Variants in KCND2 observed in about 807,000 individuals in gnomAD.
The protein encoded by KCND2 is A-type voltage-gated potassium channel KCND2.
A neutral mutation model predicts 54.4 loss-of-function variants in KCND2; 16 were observed. The observed-to-expected ratio is 0.29, with a 90% CI of 0.20 to 0.45. The LOEUF is 0.45. KCND2 is among the 20% of genes least tolerant of loss of function. KCND2 has a pLI of 1.00. For missense variants in KCND2, 486 were observed against 824.2 expected, an observed-to-expected ratio of 0.59 and a Z score of 5.02; for synonymous variants, 317 against 310.7, an observed-to-expected ratio of 1.02 and a Z score of -0.21.
intron 1 of KCND2, among the ~76,000 whole-genome samples, chr7:120,661,698 C>G (rs1791868679): frequency 6.6e-6 from 1 of 151,666 alleles, no homozygotes; most frequent in African/African-American, 2.4e-5. Context: ...GAGAAATACT[C>G]AGGTTTTCAG....
intron 1 of KCND2, among the ~76,000 whole-genome samples, chr7:120,702,729 G>T (rs557881877): frequency 3.3e-5 from 5 of 152,214 alleles, no homozygotes; most frequent in African/African-American, 4.8e-5. Flanking sequence ...GGAGCTAAAT[G>T]ATAAGAACAC....
chr7:120,408,288 A>G (rs1267358095), intron 1 of KCND2, among the ~76,000 whole-genome samples: 2 of 151,956 alleles, frequency 1.3e-5, no homozygotes, highest in Non-Finnish European at 2.9e-5. Context: ...GAAGACGAAC[A>G]GTAAGATTAA....
At chr7:120,436,554 C>A (rs556682829) in intron 1 of KCND2, among the ~76,000 whole-genome samples, 48 of 152,208 alleles carry the variant, frequency 3.2e-4, no homozygotes, top group African/African-American at 1.1e-3. Context: ...GTATTCTGGG[C>A]CCTGGTTTCA....
intron 1 of KCND2, among the ~76,000 whole-genome samples, chr7:120,573,794 G>A (rs1275085982): frequency 6.6e-6 from 1 of 151,792 alleles, no homozygotes; most frequent in Non-Finnish European, 1.5e-5. Flanking sequence ...AAGTAGTCAA[G>A]CAAGATACCA....
At chr7:120,695,823 A>G (rs1400808708) in intron 1 of KCND2, among the ~76,000 whole-genome samples, 1 of 152,176 alleles carries the variant, frequency 6.6e-6, no homozygotes, top group African/African-American at 2.4e-5. Flanking sequence ...AAGTATCTCA[A>G]AGTAGAAGGA....
rs577609767 is a variant in KCND2 at position 120,670,787 on chromosome 7, G to C, written c.1116-62116G>C. On this transcript the variant is annotated intron_variant, in intron 1 of 5. Transcript: ENST00000331113. ...AAAAATTCGCCAGGCGTGGTGGCGG[G>C]TGCCTGTAGTCCCAGCTACTCGAGA... 6.3e-4 allele frequency among the ~76,000 whole-genome samples: 96 copies of C among 151,952 alleles called. 1 individual carries two copies. The highest frequency in any genetic ancestry group is 2.2e-3 in the African/African-American group (91 of 41,488).
intron 1 of KCND2, among the ~76,000 whole-genome samples, chr7:120,725,570 G>T (rs1584897485): frequency 1.3e-5 from 2 of 152,264 alleles, no homozygotes; most frequent in South Asian, 4.2e-4. Flanking sequence ...CTCGCTCTCA[G>T]CTTGTGAAAA....
At chr7:120,689,621 G>A (rs1792245506) in intron 1 of KCND2, among the ~76,000 whole-genome samples, 1 of 152,140 alleles carries the variant, frequency 6.6e-6, no homozygotes, top group East Asian at 1.9e-4. Flanking sequence ...TGATTTATAT[G>A]ATAATTTAGA....
chr7:120,306,439 A>T (rs186576408), intron 1 of KCND2, among the ~76,000 whole-genome samples: 222 of 152,184 alleles, frequency 1.5e-3, no homozygotes, highest in African/African-American at 4.9e-3. Flanking sequence ...TTAATTTTTT[A>T]AAAAATAGAC....
At chr7:120,705,351 G>T (rs1792454546) in intron 1 of KCND2, among the ~76,000 whole-genome samples, 1 of 152,160 alleles carries the variant, frequency 6.6e-6, no homozygotes, top group Non-Finnish European at 1.5e-5. Context: ...TCCACCAGCA[G>T]AAAGTAATTT....
intron 1 of KCND2, among the ~76,000 whole-genome samples, chr7:120,699,838 G>A (rs2116025189): frequency 6.6e-6 from 1 of 152,264 alleles, no homozygotes; most frequent in East Asian, 1.9e-4. Flanking sequence ...TCAATTTCAG[G>A]TAATAGAATG....
intron 1 of KCND2, among the ~76,000 whole-genome samples, chr7:120,642,396 TAAAAAAAAAA>T (rs35453111): frequency 1.0e-5 from 1 of 99,728 alleles, no homozygotes; most frequent in African/African-American, 4.0e-5. Context: ...CCTTCTCTAC[TAAAAAAAAAA>T]AAAAAAAAAG....
At chr7:120,295,481 G>A in intron 1 of KCND2, among the ~76,000 whole-genome samples, 1 of 151,552 alleles carries the variant, frequency 6.6e-6, no homozygotes, top group East Asian at 1.9e-4. Flanking sequence ...GGAAATTATG[G>A]TGCTTGGGGA....
intron 1 of KCND2, among the ~76,000 whole-genome samples, chr7:120,419,873 G>C (rs1801585027): frequency 6.6e-6 from 1 of 151,714 alleles, no homozygotes; most frequent in South Asian, 2.1e-4. Context: ...AAAATGGCTG[G>C]CCTAAATAAA....
At chr7:120,454,385 C>T (rs1324521426) in intron 1 of KCND2, among the ~76,000 whole-genome samples, 4 of 152,068 alleles carry the variant, frequency 2.6e-5, no homozygotes, top group Non-Finnish European at 5.9e-5. Flanking sequence ...CCTCTGACCC[C>T]ACAGAAGCAC....
intron 1 of KCND2, among the ~76,000 whole-genome samples, chr7:120,491,446 C>T (rs931585246): frequency 1.3e-5 from 2 of 152,040 alleles, no homozygotes; most frequent in Non-Finnish European, 2.9e-5. Flanking sequence ...GTACTGATAA[C>T]ATATTGTAGT....
At chr7:120,630,386 C>CT (rs1053819550) in intron 1 of KCND2, among the ~76,000 whole-genome samples, 1 of 152,244 alleles carries the variant, frequency 6.6e-6, no homozygotes, top group Non-Finnish European at 1.5e-5. Context: ...AAAAAGCCTC[C>CT]TTTTTTCCCC....
At chr7:120,422,227 A>G (rs988197555) in intron 1 of KCND2, among the ~76,000 whole-genome samples, 4 of 152,232 alleles carry the variant, frequency 2.6e-5, no homozygotes, top group African/African-American at 7.2e-5. Flanking sequence ...GTAGAAAAGA[A>G]CATAAAGTTC....
chr7:120,672,781 A>G (rs552609670), intron 1 of KCND2: 1 of 152,228 alleles, frequency 6.6e-6, no homozygotes, highest in South Asian at 2.1e-4. Flanking sequence ...AGGGATTTTA[A>G]AGAGGTGATT....
Sources: gnomAD v4.1 joint callset for allele counts (sites outside exome capture counted in the v4.1 genomes callset) on GRCh38, gnomAD v4.1.1 for gene constraint, MANE v1.5 for transcripts, NCBI Gene and HGNC (gene_info 2026-07-23, HGNC 2026-07-21) for gene names.